Variants in TEC observed in about 807,000 individuals in gnomAD.
TEC encodes tec protein tyrosine kinase.
A neutral mutation model predicts 93.0 loss-of-function variants in TEC; 72 were observed. The ratio of observed to expected loss-of-function variants is 0.77; its 90% CI spans 0.64 to 0.94. The LOEUF is 0.94. Ranked by LOEUF, TEC falls within the 40% of genes least tolerant of loss-of-function variation. The pLI, the probability that TEC is intolerant of heterozygous loss-of-function variation, is 0.00. For synonymous variants in TEC, 249 were observed against 247.7 expected, an observed-to-expected ratio of 1.01 and a Z score of -0.05; for missense variants, 630 against 757.9, an observed-to-expected ratio of 0.83 and a Z score of 1.98.
intron 2 of TEC, among the ~76,000 whole-genome samples, chr4:48,182,535 C>CTGTG (rs60434609): frequency 0.077 from 11,279 of 147,250 alleles, 655 homozygotes; most frequent in African/African-American, 0.14. Context: ...GGGCAATACT[C>CTGTG]TGTGTGTGTG....
At chr4:48,170,589 A>C (rs200450391) in intron 4 of TEC, among the ~76,000 whole-genome samples, 1 of 152,154 alleles carries the variant, frequency 6.6e-6, no homozygotes, top group East Asian at 1.9e-4. Context: ...AGCAGAAATG[A>C]CTGCTGCTAC....
chr4:48,169,815 G>A (rs1437341140), intron 5 of TEC, among the ~76,000 whole-genome samples: 1 of 152,172 alleles, frequency 6.6e-6, no homozygotes, highest in Non-Finnish European at 1.5e-5. Context: ...ATTATGACAT[G>A]TTACTGTTCT....
intron 2 of TEC, among the ~76,000 whole-genome samples, chr4:48,187,505 TC>T (rs1210960165): frequency 6.6e-6 from 1 of 151,386 alleles, no homozygotes; most frequent in African/African-American, 2.4e-5. Context: ...TCATATAAGA[TC>T]GTGTTGATGT....
intron 2 of TEC, among the ~76,000 whole-genome samples, chr4:48,184,974 T>G (rs1395448793): frequency 6.6e-6 from 1 of 152,190 alleles, no homozygotes; most frequent in Non-Finnish European, 1.5e-5. Flanking sequence ...TTCAGCCATG[T>G]TCATTAAATA....
At chr4:48,231,752 G>A (rs537044764) in intron 1 of TEC, among the ~76,000 whole-genome samples, 20 of 151,884 alleles carry the variant, frequency 1.3e-4, no homozygotes, top group Non-Finnish European at 2.2e-4. Context: ...GCAAGACTCC[G>A]TCTGAAAAAA....
chr4:48,255,247 G>A (rs906366220), intron 1 of TEC, among the ~76,000 whole-genome samples: 1 of 152,130 alleles, frequency 6.6e-6, no homozygotes, highest in Non-Finnish European at 1.5e-5. Flanking sequence ...TTCCTCCATG[G>A]AGCAGGGAAA....
At chr4:48,181,835 T>C (rs1261886578) in intron 2 of TEC, among the ~76,000 whole-genome samples, 3 of 152,124 alleles carry the variant, frequency 2.0e-5, no homozygotes, top group Non-Finnish European at 4.4e-5. Context: ...TTTTCCACAG[T>C]GGGGCCCTTT....
chr4:48,207,425 A>T (rs1459634779), intron 2 of TEC, among the ~76,000 whole-genome samples: 1 of 152,126 alleles, frequency 6.6e-6, no homozygotes, highest in East Asian at 1.9e-4. Flanking sequence ...TCCTCTGAGG[A>T]AAGGCATTCT....
chr4:48,138,524 TGA>T, intron 17 of TEC, 139 bp downstream of exon 17: 1 of 883,610 alleles, frequency 1.1e-6, no homozygotes, highest in Non-Finnish European at 1.7e-6. Context: ...GAACTTGAGT[TGA>T]GAGGGTTGGC....
chr4:48,179,030 C>A (rs770756720), intron 2 of TEC, among the ~76,000 whole-genome samples: 1 of 152,220 alleles, frequency 6.6e-6, no homozygotes, highest in Non-Finnish European at 1.5e-5. Context: ...CACTCTTCTG[C>A]GCCCTTAGTG....
chr4:48,170,988 T>C (rs746998623), intron 4 of TEC, among the ~76,000 whole-genome samples: 1 of 150,810 alleles, frequency 6.6e-6, no homozygotes, highest in Non-Finnish European at 1.5e-5. Context: ...GAGGCGGAGA[T>C]TGCAGTGAGC....
chr4:48,253,672 T>G (rs566142209), intron 1 of TEC, among the ~76,000 whole-genome samples: 9 of 151,666 alleles, frequency 5.9e-5, no homozygotes, highest in African/African-American at 2.2e-4. Flanking sequence ...CCTCCCAGGT[T>G]CAAACAATTC....
At chr4:48,229,770 G>A (rs890581817) in intron 1 of TEC, among the ~76,000 whole-genome samples, 35 of 147,780 alleles carry the variant, frequency 2.4e-4, no homozygotes, top group African/African-American at 8.8e-4. Flanking sequence ...GCAAGACTTC[G>A]TCTCAAAAAT....
chr4:48,152,435 C>CATAAATAAATAA (rs3062030), intron 9 of TEC, among the ~76,000 whole-genome samples: 13 of 149,624 alleles, frequency 8.7e-5, no homozygotes, highest in Non-Finnish European at 1.3e-4. Context: ...GAGATACTAT[C>CATAAATAAATAA]ATAAATAAAT....
rs769826531 is a variant in TEC at position 48,170,281 on chromosome 4, G to C, written c.421C>G (p.Pro141Ala). The C allele has an allele frequency of 5.6e-6, 9 of 1,594,150 alleles. No homozygotes were observed. Among genetic ancestry groups the C allele is most frequent in the Non-Finnish European group, 7.7e-6 (9 of 1,163,664 alleles). The stretch of plus-strand genomic sequence containing the variant: ...AAAAGATTGTATTTTTCACATCCGG[G>C]TGCTAATTTTTCAGTTTGTCTACAA... ...QCCRQTEKLA[P>A]GCEKYNLFES... is the part of the protein sequence containing the mutation. The change falls in exon 5 of 18, where the codon CCC becomes GCC. Residue 141 changes from proline to alanine, a missense_variant. By Grantham distance (27) the Pro-to-Ala change is conservative. Around this residue, in one of 3 missense-constraint regions of TEC, gnomAD observed 335 missense variants for 351.5 expected, o/e 0.95. Coordinates refer to ENST00000381501, the MANE Select transcript of TEC (RefSeq NM_003215.3).
intron 1 of TEC, among the ~76,000 whole-genome samples, chr4:48,251,731 C>T (rs1295597231): frequency 6.6e-6 from 1 of 151,992 alleles, no homozygotes; most frequent in Admixed American, 6.6e-5. Context: ...GAAATAACAG[C>T]CTTTATTATA....
intron 2 of TEC, among the ~76,000 whole-genome samples, chr4:48,210,642 T>C (rs749110928): frequency 9.9e-4 from 150 of 151,998 alleles, no homozygotes; most frequent in Middle Eastern, 3.2e-3. Flanking sequence ...GAGAAAAACA[T>C]CCACAGCAGA....
At chr4:48,181,646 C>G (rs1488298287) in intron 2 of TEC, among the ~76,000 whole-genome samples, 1 of 149,168 alleles carries the variant, frequency 6.7e-6, no homozygotes, top group Non-Finnish European at 1.5e-5. Flanking sequence ...GCATTCCAGC[C>G]TGGGCAACAG....
At chr4:48,173,787 G>C (rs1394358843) in intron 3 of TEC, among the ~76,000 whole-genome samples, 1 of 152,162 alleles carries the variant, frequency 6.6e-6, no homozygotes, top group African/African-American at 2.4e-5. Context: ...TTGAAGCCCA[G>C]GGAAGACATG....
Sources: allele counts gnomAD v4.1 joint callset (sites outside exome capture counted in the v4.1 genomes callset), GRCh38; gene constraint gnomAD v4.1.1; regional missense constraint gnomAD v4.1.1; transcripts MANE v1.5; gene names NCBI Gene and HGNC (gene_info 2026-07-23, HGNC 2026-07-21).